The following ERGIC1 variants were observed in gnomAD, a reference collection of about 807,000 sequenced individuals.
ERGIC1 encodes endoplasmic reticulum-golgi intermediate compartment 1.
ERGIC1 carries 19 observed loss-of-function variants against 38.3 expected under a neutral mutation model. That is an observed-to-expected ratio of 0.50 (90% CI 0.35 to 0.73). ERGIC1 has a LOEUF of 0.73. ERGIC1 is among the 30% of genes least tolerant of loss of function. The pLI, the probability that ERGIC1 is intolerant of heterozygous loss-of-function variation, is 0.01. For synonymous variants in ERGIC1, 124 were observed against 157.6 expected (o/e 0.79, Z 1.60); for missense variants, 294 against 389.2 (o/e 0.76, Z 2.06).
At chr5:172,889,233 G>A (rs190705736) in intron 2 of ERGIC1, among the ~76,000 whole-genome samples, 80 of 151,166 alleles carry the variant, frequency 5.3e-4, no homozygotes, top group African/African-American at 1.9e-3. Context: ...GCAGTGAGCC[G>A]AGATCACACC....
intron 1 of ERGIC1, among the ~76,000 whole-genome samples, chr5:172,866,781 CG>C (rs1581524923): frequency 6.6e-6 from 1 of 152,222 alleles, no homozygotes; most frequent in South Asian, 2.1e-4. Context: ...AGTGGAGGCA[CG>C]GGCGGCCCAG....
At chr5:172,893,322 A>AT (rs1375843354) in intron 2 of ERGIC1, among the ~76,000 whole-genome samples, 6 of 151,878 alleles carry the variant, frequency 4.0e-5, no homozygotes, top group Non-Finnish European at 7.4e-5. Flanking sequence ...TAATTTTTGT[A>AT]TTTTTAGTAG....
chr5:172,903,184 C>G (rs878871976), intron 3 of ERGIC1, among the ~76,000 whole-genome samples: 1 of 152,318 alleles, frequency 6.6e-6, no homozygotes, highest in East Asian at 1.9e-4. Flanking sequence ...GCTCATTCCA[C>G]TGAAGTTTGT....
At chr5:172,857,937 AG>A (rs1761595467) in intron 1 of ERGIC1, among the ~76,000 whole-genome samples, 15 of 152,096 alleles carry the variant, frequency 9.9e-5, no homozygotes, top group Admixed American at 4.6e-4. Flanking sequence ...TCACTGTGCC[AG>A]GCACTGCGAG....
At chr5:172,890,366 G>GA (rs1370919254) in intron 2 of ERGIC1, among the ~76,000 whole-genome samples, 4 of 152,186 alleles carry the variant, frequency 2.6e-5, no homozygotes, top group African/African-American at 9.7e-5. Context: ...ATGCAAAGTG[G>GA]ACTCCCAGAT....
intron 1 of ERGIC1, among the ~76,000 whole-genome samples, chr5:172,864,815 C>A (rs895003749): frequency 6.6e-6 from 1 of 150,444 alleles, no homozygotes; most frequent in Admixed American, 6.6e-5. Context: ...TTTGTCCTAA[C>A]CACGTTTTGC....
chr5:172,902,125 GGGC>G (rs1333469554), intron 3 of ERGIC1, among the ~76,000 whole-genome samples: 1 of 152,184 alleles, frequency 6.6e-6, no homozygotes, highest in African/African-American at 2.4e-5. Context: ...CAGCATTTCA[GGGC>G]CCCAGGCTCA....
At chr5:172,852,712 C>T (rs1044655186) in intron 1 of ERGIC1, among the ~76,000 whole-genome samples, 3 of 152,268 alleles carry the variant, frequency 2.0e-5, no homozygotes, top group Non-Finnish European at 4.4e-5. Flanking sequence ...TTGCCAACAA[C>T]TTACCGTGTC....
chr5:172,899,760 T>C (rs1182516365), intron 3 of ERGIC1, among the ~76,000 whole-genome samples: 2 of 152,154 alleles, frequency 1.3e-5, no homozygotes, highest in Non-Finnish European at 2.9e-5. Flanking sequence ...ACTGTATCGA[T>C]CAGGGGCAAG....
At chr5:172,875,155 C>CT (rs911132918) in intron 1 of ERGIC1, among the ~76,000 whole-genome samples, 20 of 152,078 alleles carry the variant, frequency 1.3e-4, no homozygotes, top group African/African-American at 4.8e-4. Context: ...TATAAGGGTG[C>CT]TTTTTTAGCT....
chr5:172,888,435 G>A (rs1331912459), intron 1 of ERGIC1, among the ~76,000 whole-genome samples: 3 of 152,178 alleles, frequency 2.0e-5, no homozygotes, highest in East Asian at 3.9e-4. Context: ...ACTCCAGCCT[G>A]GGTGACAGAG....
At chr5:172,938,314 C>T (rs528025686) in intron 9 of ERGIC1, among the ~76,000 whole-genome samples, 1 of 152,302 alleles carries the variant, frequency 6.6e-6, no homozygotes, top group African/African-American at 2.4e-5. Context: ...CTAGACCACT[C>T]CTCAGAGGCC....
chr5:172,905,953 C>G lies in ERGIC1; in HGVS notation c.156-3714C>G, dbSNP rs143077441. The G allele has an allele frequency of 1.2e-3, 476 of 403,760 alleles. 2 individuals carry two copies. Among genetic ancestry groups the G allele is most frequent in the African/African-American group, 9.1e-3 (436 of 48,088 alleles). 25.0% of individuals were successfully genotyped at this position (403,760 alleles called of 1,614,324 possible). On this transcript the variant is annotated intron_variant, in intron 3 of 9. Transcript: ENST00000393784. Reference sequence around the variant, plus strand: ...GCCTAATTGGTATTTCAGTGAGCTCCCTTTACTACCTGATTGGTCAGGTGT... The same window carrying G: ...GCCTAATTGGTATTTCAGTGAGCTCGCTTTACTACCTGATTGGTCAGGTGT...
chr5:172,874,613 G>A (rs945813695), intron 1 of ERGIC1, among the ~76,000 whole-genome samples: 1 of 152,096 alleles, frequency 6.6e-6, no homozygotes, highest in African/African-American at 2.4e-5. Context: ...ATCAGGGAGT[G>A]ATTTTAAGTG....
Position 172,835,067 on chromosome 5 carries a change from C to G in ERGIC1, c.20+634C>G, listed in dbSNP as rs183991812. Among the ~76,000 whole-genome samples, 333 of 152,352 alleles carry G rather than the reference C, an allele frequency of 2.2e-3. 1 individual carries two copies. Among genetic ancestry groups the G allele is most frequent in the African/African-American group, 7.6e-3 (318 of 41,594 alleles). On this transcript the variant is annotated intron_variant, in intron 1 of 9. Coordinates refer to ENST00000393784, the MANE Select transcript of ERGIC1 (RefSeq NM_001031711.3). ...AAGGGCCACCGGGGTCTGGCCTTGG[C>G]TTTCTGCAGTCACCACAATGGGTCC...
At position 172,952,531 on chromosome 5, in the gene ERGIC1, AAAC is replaced by A. The variant is rs1764255258; in HGVS notation, c.*1719_*1721del. Reference sequence around the variant, plus strand: ...TGCATTTTTTTGAAGAAAAAAAAAAAAACAACTCTGAGGACATAGGGGATGTCA... The same window carrying A: ...TGCATTTTTTTGAAGAAAAAAAAAAAAACTCTGAGGACATAGGGGATGTCA... On this transcript the variant is annotated 3_prime_UTR_variant, in exon 10 of 10. Transcript: ENST00000393784. 7.0e-6 allele frequency: 1 copy of A among 143,870 alleles called. No individual in the cohort carries two copies. The highest frequency in any genetic ancestry group is 2.1e-4 in the South Asian group (1 of 4,724). 8.9% of individuals were successfully genotyped at this position (143,870 alleles called of 1,614,324 possible).
intron 5 of ERGIC1, among the ~76,000 whole-genome samples, chr5:172,918,701 C>T (rs180999119): frequency 1.9e-4 from 29 of 152,294 alleles, no homozygotes; most frequent in African/African-American, 6.3e-4. Flanking sequence ...CACGTCCTTA[C>T]GAAGCAATGG....
intron 4 of ERGIC1, among the ~76,000 whole-genome samples, chr5:172,910,406 C>T (rs2113383851): frequency 6.6e-6 from 1 of 152,286 alleles, no homozygotes; most frequent in South Asian, 2.1e-4. Context: ...AGCGGTCCAC[C>T]ATCCATGAGA....
intron 1 of ERGIC1, among the ~76,000 whole-genome samples, chr5:172,887,210 C>T (rs997948710): frequency 1.3e-5 from 2 of 152,160 alleles, no homozygotes; most frequent in Admixed American, 6.5e-5. Context: ...AAAGAGGAAC[C>T]GCACACCAGC....
Sources: allele counts gnomAD v4.1 joint callset (sites outside exome capture counted in the v4.1 genomes callset), GRCh38; gene constraint gnomAD v4.1.1; transcripts MANE v1.5; gene names NCBI Gene and HGNC (gene_info 2026-07-23, HGNC 2026-07-21).